The following GORASP2 variants were observed in gnomAD, a reference collection of about 807,000 sequenced individuals.
GORASP2 encodes Golgi reassembly-stacking protein 2.
A neutral mutation model predicts 45.7 loss-of-function variants in GORASP2; 22 were observed. The ratio of observed to expected loss-of-function variants is 0.48; its 90% confidence interval spans 0.34 to 0.69. The LOEUF (loss-of-function observed/expected upper bound fraction) is 0.69, where lower values mean the gene tolerates loss of function less well. Ranked by LOEUF, GORASP2 falls within the 30% of genes least tolerant of loss-of-function variation. GORASP2 has a pLI of 0.01. For synonymous variants in GORASP2, 221 were observed against 215.6 expected, an observed-to-expected ratio of 1.02 and a Z score of -0.22; for missense variants, 491 against 562.7, an observed-to-expected ratio of 0.87 and a Z score of 1.29.
intron 1 of GORASP2, among the ~76,000 whole-genome samples, chr2:170,947,248 G>A (rs1255257216): frequency 6.6e-6 from 1 of 152,156 alleles, no homozygotes; most frequent in African/African-American, 2.4e-5. Flanking sequence ...GGATTTCTGG[G>A]TTAATCCTAG....
intron 1 of GORASP2, among the ~76,000 whole-genome samples, chr2:170,938,085 T>C (rs1703996547): frequency 1.3e-5 from 2 of 152,222 alleles, no homozygotes; most frequent in Non-Finnish European, 2.9e-5. Context: ...ATGAAAACAA[T>C]TGAGCATTAT....
intron 1 of GORASP2, among the ~76,000 whole-genome samples, chr2:170,940,838 A>G (rs1704059561): frequency 6.6e-6 from 1 of 152,098 alleles, no homozygotes. Context: ...CTATTGTGAT[A>G]TTGTGTTTTG....
chr2:170,940,840 T>C (rs1350937399), intron 1 of GORASP2, among the ~76,000 whole-genome samples: 2 of 152,188 alleles, frequency 1.3e-5, no homozygotes, highest in African/African-American at 4.8e-5. Flanking sequence ...ATTGTGATAT[T>C]GTGTTTTGAT....
intron 8 of GORASP2, among the ~76,000 whole-genome samples, chr2:170,962,277 T>C (rs1463650854): frequency 6.6e-6 from 1 of 152,240 alleles, no homozygotes; most frequent in Non-Finnish European, 1.5e-5. Context: ...GGGCTTTTAA[T>C]GTATGGCTAA....
intron 4 of GORASP2, among the ~76,000 whole-genome samples, chr2:170,950,529 A>C (rs1351335379): frequency 6.6e-6 from 1 of 152,208 alleles, no homozygotes; most frequent in Non-Finnish European, 1.5e-5. Context: ...AATATACAGA[A>C]ATCTTTGCAT....
chr2:170,957,240 C>A (rs4668352), intron 7 of GORASP2, among the ~76,000 whole-genome samples: 10 of 151,790 alleles, frequency 6.6e-5, no homozygotes, highest in Non-Finnish European at 1.3e-4. Flanking sequence ...TTCTGAGGAG[C>A]TCAGTCTTGC....
Position 170,950,188 on chromosome 2 carries a change from G to A in GORASP2, c.349-16G>A, listed in dbSNP as rs1250383085. ...TATATATATTAATTTTAGGGTGTGTGTTTATGTCATTCTAGGAGGTGGAAT... is the reference window on the plus strand; with the variant it reads ...TATATATATTAATTTTAGGGTGTGTATTTATGTCATTCTAGGAGGTGGAAT... On this transcript the variant is annotated splice_polypyrimidine_tract_variant and intron_variant, in intron 3 of 9. Coordinates refer to ENST00000234160, the MANE Select transcript of GORASP2 (RefSeq NM_015530.5). The A allele has an allele frequency of 1.8e-5, 24 of 1,317,658 alleles. No homozygotes were observed. Among genetic ancestry groups the A allele is most frequent in the Non-Finnish European group, 2.5e-5 (23 of 923,476 alleles). The allele number at this position is 1,317,658 out of a possible 1,614,324, so 81.6% of individuals were successfully genotyped here.
At chr2:170,964,186 G>A (rs1280284462) in intron 9 of GORASP2, among the ~76,000 whole-genome samples, 1 of 152,158 alleles carries the variant, frequency 6.6e-6, no homozygotes, top group Non-Finnish European at 1.5e-5. Flanking sequence ...ACTTTTAATA[G>A]GTCATCTCAG....
chr2:170,937,786 C>G (rs183621381), intron 1 of GORASP2, among the ~76,000 whole-genome samples: 2 of 152,064 alleles, frequency 1.3e-5, no homozygotes, highest in Non-Finnish European at 2.9e-5. Flanking sequence ...TGAGACCAGC[C>G]TAGACAGTAA....
At chr2:170,962,811 CTTTT>C (rs1704594357) in intron 8 of GORASP2, 24 bp from the exon 9 acceptor site, 5 of 1,471,878 alleles carry the variant, frequency 3.4e-6, no homozygotes, top group Non-Finnish European at 4.8e-6. Flanking sequence ...AGTGATTTCT[CTTTT>C]TTTCTTTTCT....
intron 9 of GORASP2, among the ~76,000 whole-genome samples, chr2:170,963,996 A>G (rs941769027): frequency 1.3e-5 from 2 of 152,224 alleles, no homozygotes; most frequent in Admixed American, 1.3e-4. Flanking sequence ...AAACGTGAAT[A>G]TTCTCCATTA....
At chr2:170,965,757 G>GA in intron 9 of GORASP2, 33 bp from the exon 10 acceptor site, 2 of 1,405,676 alleles carry the variant, frequency 1.4e-6, no homozygotes. Flanking sequence ...TCAGTGCTGG[G>GA]AGGATGTATG....
At chr2:170,953,198 A>G (rs1704340897) in intron 5 of GORASP2, among the ~76,000 whole-genome samples, 1 of 152,080 alleles carries the variant, frequency 6.6e-6, no homozygotes, top group Non-Finnish European at 1.5e-5. Context: ...TCTACAAAAA[A>G]TACAAAAATT....
chr2:170,943,492 T>C (rs898914427), intron 1 of GORASP2, among the ~76,000 whole-genome samples: 2 of 152,170 alleles, frequency 1.3e-5, no homozygotes, highest in African/African-American at 4.8e-5. Context: ...CTTTACAACA[T>C]TCTTGTGAAG....
At chr2:170,950,779 C>G (rs141326550) in intron 4 of GORASP2, among the ~76,000 whole-genome samples, 2 of 152,166 alleles carry the variant, frequency 1.3e-5, no homozygotes, top group East Asian at 1.9e-4. Context: ...CTCAGGAGTT[C>G]GAGACCAGTC....
chr2:170,946,270 TG>T (rs1470989897), intron 1 of GORASP2, among the ~76,000 whole-genome samples: 2 of 152,166 alleles, frequency 1.3e-5, no homozygotes. Flanking sequence ...CCTAAAGTTC[TG>T]GGATTACAGG....
intron 3 of GORASP2, chr2:170,949,949 T>G (rs995530450): frequency 7.1e-6 from 4 of 565,388 alleles, no homozygotes; most frequent in African/African-American, 3.7e-5. Context: ...TTAAGAACTT[T>G]TTCTAATGAT....
Position 170,929,398 on chromosome 2 carries a change from C to T in GORASP2, c.58C>T (p.Leu20=). 5 of 1,417,142 alleles carry T rather than the reference C, an allele frequency of 3.5e-6. No homozygotes were observed. Among genetic ancestry groups the T allele is most frequent in the Non-Finnish European group, 4.6e-6 (5 of 1,083,888 alleles). The allele number at this position is 1,417,142 out of a possible 1,614,324, so 87.8% of individuals were successfully genotyped here. ...CGGGGGCACCGAGGGCTACCACGTT[C>T]TGCGGGTAAGGGCTCCGACGGCGGC... The part of the protein sequence containing the change: ...PGGGTEGYHV[L]RVQENSPGHR... Residue 20 remains leucine (L), a synonymous_variant, in exon 1 of 10, where the codon CTG becomes TTG. Coordinates refer to ENST00000234160, the MANE Select transcript of GORASP2 (RefSeq NM_015530.5).
chr2:170,934,899 A>G (rs2195118), intron 1 of GORASP2, among the ~76,000 whole-genome samples: 129,987 of 151,868 alleles, frequency 0.86, 56,997 homozygotes, highest in East Asian at 1. Context: ...CACCGTGCCC[A>G]GCTAATTTTT....
Sources: allele counts gnomAD v4.1 joint callset (sites outside exome capture counted in the v4.1 genomes callset), GRCh38; gene constraint gnomAD v4.1.1; transcripts MANE v1.5; gene names NCBI Gene and HGNC (gene_info 2026-07-23, HGNC 2026-07-21).